The following MARK1 variants were observed in gnomAD, a reference collection of about 807,000 sequenced individuals.
MARK1 encodes serine/threonine-protein kinase MARK1.
A neutral mutation model predicts 96.3 loss-of-function variants in MARK1; 40 were observed. The observed-to-expected ratio is 0.42, with a 90% CI of 0.32 to 0.54. MARK1 has a LOEUF of 0.54. MARK1 is among the 20% of genes least tolerant of loss of function. The probability of loss-of-function intolerance (pLI) is 0.16; values close to 1 mark genes in which losing one functional copy is unlikely to be tolerated. For synonymous variants in MARK1, 317 were observed against 341.2 expected, an observed-to-expected ratio of 0.93 and a Z score of 0.78; for missense variants, 719 against 984.6, an observed-to-expected ratio of 0.73 and a Z score of 3.61.
chr1:220,653,594 C>T (rs897483359), intron 16 of MARK1, among the ~76,000 whole-genome samples: 6 of 151,936 alleles, frequency 3.9e-5, no homozygotes, highest in African/African-American at 1.5e-4. Context: ...ATGGAAAGAA[C>T]AAAGACTTAA....
chr1:220,618,794 A>C lies in MARK1; in HGVS notation c.909+39A>C. 1 of 1,519,262 alleles carries C rather than the reference A, an allele frequency of 6.6e-7. No individual in the cohort carries two copies. The highest frequency in any genetic ancestry group is 2.3e-5 in the East Asian group (1 of 42,952). The allele number at this position is 1,519,262 out of a possible 1,614,324, so 94.1% of individuals were successfully genotyped here. On this transcript the variant is annotated intron_variant, in intron 9 of 17. Transcript: ENST00000366917. The surrounding 1 kb of genome is among the most constrained non-coding windows in gnomAD (Gnocchi z 4.6). The stretch of plus-strand genomic sequence containing the variant: ...TGTACTCCAAATTTAAATTTTAACA[A>C]TTAAAATATTCCAGGAACCGAAGAG...
At chr1:220,610,368 C>T (rs1049072599) in intron 6 of MARK1, among the ~76,000 whole-genome samples, 43 of 152,268 alleles carry the variant, frequency 2.8e-4, no homozygotes, top group Non-Finnish European at 5.4e-4. Flanking sequence ...GCTTGCATCA[C>T]GAAGTTCTCG....
At chr1:220,586,013 G>GCGCA (rs374770821) in intron 3 of MARK1, among the ~76,000 whole-genome samples, 6 of 53,020 alleles carry the variant, frequency 1.1e-4, no homozygotes, top group African/African-American at 1.6e-4. Flanking sequence ...ACACACACAC[G>GCGCA]CGCGCGTGCG....
At chr1:220,556,234 G>C (rs1662233972) in intron 1 of MARK1, among the ~76,000 whole-genome samples, 1 of 152,096 alleles carries the variant, frequency 6.6e-6, no homozygotes, top group Non-Finnish European at 1.5e-5. Context: ...AAAAAACTCT[G>C]CCCCTTAGTT....
At chr1:220,590,214 C>T (rs1193476467) in intron 3 of MARK1, among the ~76,000 whole-genome samples, 2 of 152,156 alleles carry the variant, frequency 1.3e-5, no homozygotes, top group Admixed American at 1.3e-4. Flanking sequence ...GAAGAGATAT[C>T]TTAGACATTT....
At chr1:220,626,831 AAAAG>A in intron 9 of MARK1, 2 of 383,946 alleles carry the variant, frequency 5.2e-6, no homozygotes, top group Non-Finnish European at 1.0e-5. Context: ...AAAAAAAAAA[AAAAG>A]GGTTGAGGGG....
At chr1:220,629,260 A>G (rs748836059) in intron 9 of MARK1, among the ~76,000 whole-genome samples, 5 of 152,206 alleles carry the variant, frequency 3.3e-5, no homozygotes, top group East Asian at 1.9e-4. Context: ...AAAGTGAACA[A>G]TCTTTCTAAA....
chr1:220,567,826 A>G (rs911206517), intron 1 of MARK1, among the ~76,000 whole-genome samples: 1 of 152,196 alleles, frequency 6.6e-6, no homozygotes, highest in Non-Finnish European at 1.5e-5. Flanking sequence ...ACTTAGTGGC[A>G]TAGGCACTAT....
chr1:220,569,321 TCTTTA>T (rs969764047), intron 1 of MARK1, among the ~76,000 whole-genome samples: 2 of 152,126 alleles, frequency 1.3e-5, no homozygotes, highest in South Asian at 2.1e-4. Context: ...ATTTTCTGCC[TCTTTA>T]CTTTGATATA....
At chr1:220,660,195 G>A (rs759864007) in intron 17 of MARK1, among the ~76,000 whole-genome samples, 18 of 152,264 alleles carry the variant, frequency 1.2e-4, no homozygotes, top group East Asian at 1.9e-4. Context: ...TGTGACCTTG[G>A]TAAATGACTC....
intron 11 of MARK1, among the ~76,000 whole-genome samples, chr1:220,634,285 T>G (rs1029348459): frequency 1.3e-5 from 2 of 152,198 alleles, no homozygotes; most frequent in Non-Finnish European, 2.9e-5. Context: ...ATGCCACGCA[T>G]GAATTTAAAT....
intron 9 of MARK1, among the ~76,000 whole-genome samples, chr1:220,623,254 C>A (rs1228286252): frequency 6.6e-6 from 1 of 152,044 alleles, no homozygotes; most frequent in East Asian, 1.9e-4. Context: ...GTTTTTCCCT[C>A]GACTTTTAAC....
At chr1:220,566,572 A>C (rs1003566348) in intron 1 of MARK1, among the ~76,000 whole-genome samples, 3 of 152,132 alleles carry the variant, frequency 2.0e-5, no homozygotes, top group Non-Finnish European at 4.4e-5. Context: ...ATGTAAATAC[A>C]CTGTGCTTGC....
intron 13 of MARK1, among the ~76,000 whole-genome samples, chr1:220,636,686 C>T (rs967317583): frequency 5.3e-5 from 8 of 151,838 alleles, no homozygotes; most frequent in African/African-American, 1.7e-4. Flanking sequence ...TTCCTGGACT[C>T]TTAAAATAGA....
In MARK1 at chr1:220,548,036, C is replaced by A. The variant is rs373063551; in HGVS notation, c.51+19163C>A. On this transcript the variant is annotated intron_variant, in intron 1 of 17. Transcript: ENST00000366917. ...AAGAGTATGTCAACAAAATACATTC[C>A]TCTTCCTACAATACTTTAGCACAGT... 2.6e-5 allele frequency among the ~76,000 whole-genome samples: 4 copies of A among 152,378 alleles called. 1 individual carries two copies. In the East Asian group the frequency reaches 7.7e-4, roughly 29 times the overall value.
intron 3 of MARK1, among the ~76,000 whole-genome samples, chr1:220,584,514 T>C (rs1664461750): frequency 6.6e-6 from 1 of 152,212 alleles, no homozygotes; most frequent in South Asian, 2.1e-4. Flanking sequence ...TCGTGTCTGG[T>C]GTGTTACCTG....
At chr1:220,576,689 A>C (rs1057303090) in intron 1 of MARK1, 12 of 152,206 alleles carry the variant, frequency 7.9e-5, no homozygotes, top group African/African-American at 2.9e-4. Context: ...AAGTCATTCT[A>C]TAAGGGTACC....
chr1:220,590,678 G>A (rs987106538), intron 3 of MARK1, among the ~76,000 whole-genome samples: 1 of 152,216 alleles, frequency 6.6e-6, no homozygotes, highest in South Asian at 2.1e-4. Flanking sequence ...GATGGAATAG[G>A]AATCTGGTAT....
chr1:220,564,977 C>T (rs546315286), intron 1 of MARK1, among the ~76,000 whole-genome samples: 16 of 151,902 alleles, frequency 1.1e-4, no homozygotes, highest in Non-Finnish European at 2.4e-4. Flanking sequence ...CCTCCTTCCC[C>T]TTCTATTTTT....
Sources: allele counts gnomAD v4.1 joint callset (sites outside exome capture counted in the v4.1 genomes callset), GRCh38; gene constraint gnomAD v4.1.1; non-coding constraint Gnocchi (gnomAD v3.1); transcripts MANE v1.5; gene names NCBI Gene and HGNC (gene_info 2026-07-23, HGNC 2026-07-21).